Variants in SAMD4B observed in about 807,000 individuals in gnomAD.
The protein encoded by SAMD4B is protein Smaug homolog 2.
Under a neutral mutation model 74.5 loss-of-function variants are expected in SAMD4B, and 5 were observed. That is an observed-to-expected ratio of 0.07 (90% CI 0.04 to 0.14). The LOEUF is 0.14. SAMD4B is among the 10% of genes least tolerant of loss of function. SAMD4B has a pLI of 1.00. For missense variants in SAMD4B, 608 were observed against 921.8 expected (o/e 0.66, Z 4.41); for synonymous variants, 373 against 374.9 (o/e 1.00, Z 0.06).
At chr19:39,357,187 A>T in intron 3 of SAMD4B, 98 bp downstream of exon 3, 1 of 1,123,494 alleles carries the variant, frequency 8.9e-7, no homozygotes. Flanking sequence ...GGACTAAAAA[A>T]CGTGGGTTCT....
At chr19:39,370,420 T>C (rs950014501) in intron 4 of SAMD4B, among the ~76,000 whole-genome samples, 1 of 152,194 alleles carries the variant, frequency 6.6e-6, no homozygotes, top group Non-Finnish European at 1.5e-5. Flanking sequence ...TTTCCAGCCT[T>C]TCTTGAGAAG....
At chr19:39,389,619 C>G (rs776215575), downstream of SAMD4B, 1 of 1,614,156 alleles carries the variant, frequency 6.2e-7, no homozygotes, top group Non-Finnish European at 8.5e-7. The surrounding 1 kb of genome is among the most constrained non-coding windows in gnomAD (Gnocchi z 5.3). Flanking sequence ...TAGAGCAGAC[C>G]CTCCCTGTCT....
chr19:39,364,833 G>C (rs775537493), intron 3 of SAMD4B, among the ~76,000 whole-genome samples: 7 of 152,204 alleles, frequency 4.6e-5, no homozygotes, highest in Non-Finnish European at 1.0e-4. Flanking sequence ...TTCAAGTGAA[G>C]ACAGACAAGG....
chr19:39,384,008 G>A lies in SAMD4B; in HGVS notation c.*481G>A. The A allele has an allele frequency of 2.4e-6, 1 of 415,458 alleles. No homozygotes were observed. Among genetic ancestry groups the A allele is most frequent in the Non-Finnish European group, 4.3e-6 (1 of 232,594 alleles). The allele number at this position is 415,458 out of a possible 1,614,324, so 25.7% of individuals were successfully genotyped here. A position where few individuals can be genotyped will look rare whatever the true frequency, so the allele number is the denominator to read the frequency against. Reference sequence around the variant, plus strand: ...TTGAGAGGAGCTGGGGAGAAGGAAGGGGAGCAAGGAGAGGAAGCTCTCTCT... The same window carrying A: ...TTGAGAGGAGCTGGGGAGAAGGAAGAGGAGCAAGGAGAGGAAGCTCTCTCT... On this transcript the variant is annotated 3_prime_UTR_variant, in exon 14 of 14. Transcript: ENST00000610417.
At position 39,358,320 on chromosome 19, in the gene SAMD4B, ACTGT is replaced by A. The variant is rs538246165; in HGVS notation, c.196+1234_196+1237del. On this transcript the variant is annotated intron_variant, in intron 3 of 13. Coordinates refer to ENST00000610417, the MANE Select transcript of SAMD4B (RefSeq NM_001384574.2). The stretch of plus-strand genomic sequence containing the variant: ...TGTTCTTACGTGGCTCTCAAGTCAG[ACTGT>A]CTAAGTTTAAATCCCAGTTCTGTTA... Among the ~76,000 whole-genome samples, 80 of 152,352 alleles carry A rather than the reference ACTGT, an allele frequency of 5.3e-4. 1 individual carries two copies. In the East Asian group the frequency reaches 0.014, roughly 27 times the overall value.
rs377646645 is a variant in SAMD4B at position 39,373,436 on chromosome 19, C to T, written c.668-2214C>T. ...ACTGGGCTGCCATTCTCCATGGACC[C>T]ACAGTCCAGTGCAAGAGGGAGGCTA... On this transcript the variant is annotated intron_variant, in intron 4 of 13. Transcript: ENST00000610417. Among the ~76,000 whole-genome samples the T allele has an allele frequency of 1.4e-4, 22 of 151,736 alleles. 1 individual carries two copies. In the South Asian group the frequency reaches 1.9e-3, roughly 13 times the overall value.
intron 1 of SAMD4B, among the ~76,000 whole-genome samples, chr19:39,349,583 T>C (rs1206179862): frequency 6.6e-6 from 1 of 151,828 alleles, no homozygotes; most frequent in Non-Finnish European, 1.5e-5. Flanking sequence ...TGGTTGATTC[T>C]TATAAGAGAA....
At chr19:39,365,097 T>G (rs62119697) in intron 3 of SAMD4B, among the ~76,000 whole-genome samples, 1,830 of 151,158 alleles carry the variant, frequency 0.012, 11 homozygotes, top group Non-Finnish European at 0.019. Context: ...AAAAAATAAA[T>G]TAGCCGGGTG....
chr19:39,385,992 C>CA (rs754313771), downstream of SAMD4B: 3 of 1,613,320 alleles, frequency 1.9e-6, no homozygotes, highest in African/African-American at 2.7e-5. Context: ...CCCTGGGACT[C>CA]AGTCACTGTC....
intron 1 of SAMD4B, among the ~76,000 whole-genome samples, chr19:39,346,398 C>G (rs892224105): frequency 6.6e-6 from 1 of 152,182 alleles, no homozygotes; most frequent in African/African-American, 2.4e-5. Context: ...TATCTCTTCT[C>G]TTCACCCAAA....
chr19:39,382,097 G>C (rs1363211504), intron 12 of SAMD4B, among the ~76,000 whole-genome samples: 1 of 152,124 alleles, frequency 6.6e-6, no homozygotes, highest in East Asian at 1.9e-4. Context: ...GAGAGAGCAT[G>C]GATTTGCAGA....
At chr19:39,352,806 A>G (rs1374603645) in intron 1 of SAMD4B, among the ~76,000 whole-genome samples, 1 of 152,188 alleles carries the variant, frequency 6.6e-6, no homozygotes, top group Non-Finnish European at 1.5e-5. Context: ...ACAACCCAGT[A>G]AAAGAATTTA....
intron 11 of SAMD4B, 75 bp from the exon 12 acceptor site, chr19:39,380,915 T>C: frequency 6.5e-7 from 1 of 1,540,524 alleles, no homozygotes; most frequent in Non-Finnish European, 8.8e-7. Context: ...GGAGAAGGCC[T>C]GTACCACCTC....
intron 3 of SAMD4B, among the ~76,000 whole-genome samples, chr19:39,358,942 TCA>T (rs2076491579): frequency 6.6e-6 from 1 of 152,188 alleles, no homozygotes; most frequent in Non-Finnish European, 1.5e-5. Context: ...TGTGTGGAAG[TCA>T]CAGAAGCAGC....
chr19:39,356,169 C>T (rs2076332069), intron 2 of SAMD4B, among the ~76,000 whole-genome samples: 1 of 152,250 alleles, frequency 6.6e-6, no homozygotes, highest in South Asian at 2.1e-4. Context: ...CATCCTCTAC[C>T]CAGCATTGTG....
Position 39,383,714 on chromosome 19 carries a change from C to T in SAMD4B, c.*187C>T, listed in dbSNP as rs944406673. The T allele has an allele frequency of 1.0e-5, 16 of 1,537,432 alleles. No individual in the cohort carries two copies. Among genetic ancestry groups the T allele is most frequent in the African/African-American group, 4.1e-5 (3 of 73,054 alleles). Reference sequence around the variant, plus strand: ...ATGCCTTGCTCACTCCCAGGCCCGTCGAGGGATCTCTGCTGAGGCCCGGGG... The same window carrying T: ...ATGCCTTGCTCACTCCCAGGCCCGTTGAGGGATCTCTGCTGAGGCCCGGGG... On this transcript the variant is annotated 3_prime_UTR_variant, in exon 14 of 14. Coordinates refer to ENST00000610417, the MANE Select transcript of SAMD4B (RefSeq NM_001384574.2). This position sits in a 1 kb window ranked among gnomAD's most constrained non-coding sequence, Gnocchi z 4.1.
chr19:39,381,063 A>T lies in SAMD4B; in HGVS notation c.1922A>T (p.His641Leu). Residue 641 changes from histidine to leucine, a missense_variant, in exon 12 of 14, where the codon CAC becomes CTC. Transcript: ENST00000610417. ...SQSRSSVQRT[H>L]SLPVHSSPQA... ...AGCCGCAGCTCTGTGCAGCGCACCC[A>T]CTCGCTCCCGGTCCACTCGTCACCC... is the stretch of plus-strand genomic sequence containing the variant. 6.2e-7 allele frequency: 1 copy of T among 1,612,520 alleles called. No homozygotes were observed.
At position 39,377,832 on chromosome 19, in the gene SAMD4B, C is replaced by T. The variant is rs754555924; in HGVS notation, c.1444+8C>T. 1.9e-6 allele frequency: 3 copies of T among 1,568,136 alleles called. No homozygotes were observed. Among genetic ancestry groups the T allele is most frequent in the South Asian group, 1.2e-5 (1 of 85,404 alleles). ...CACGGGTGATGGGCAAAGGTGAGAC[C>T]AGCCACAGCCTAGCAGGAAATCCTG... On this transcript the variant is annotated splice_region_variant and intron_variant, in intron 8 of 13. Transcript: ENST00000610417.
At position 39,384,148 on chromosome 19, in the gene SAMD4B, A is replaced by T; in HGVS notation, c.*621A>T. On this transcript the variant is annotated 3_prime_UTR_variant, in exon 14 of 14. Coordinates refer to ENST00000610417, the MANE Select transcript of SAMD4B (RefSeq NM_001384574.2). The stretch of plus-strand genomic sequence containing the variant: ...AGAGGTTCTCTATGATTAATTTCTT[A>T]GGCCTATTTAAGATACATATTTATA... 5.1e-6 allele frequency: 1 copy of T among 195,440 alleles called. No individual in the cohort carries two copies. Among genetic ancestry groups the T allele is most frequent in the Non-Finnish European group, 1.0e-5 (1 of 95,292 alleles). 12.1% of individuals were successfully genotyped at this position (195,440 alleles called of 1,614,324 possible). A position where few individuals can be genotyped will look rare whatever the true frequency, so the allele number is the denominator to read the frequency against.
Sources: allele counts gnomAD v4.1 joint callset (sites outside exome capture counted in the v4.1 genomes callset), GRCh38; gene constraint gnomAD v4.1.1; non-coding constraint Gnocchi (gnomAD v3.1); transcripts MANE v1.5; gene names NCBI Gene and HGNC (gene_info 2026-07-23, HGNC 2026-07-21).